SDCCAG8: variants seen among roughly 807,000 people sequenced by gnomAD.
SDCCAG8 encodes SHH signaling and ciliogenesis regulator SDCCAG8, also known as serologically defined colon cancer antigen 8.
A neutral mutation model predicts 101.8 loss-of-function variants in SDCCAG8; 74 were observed. The observed-to-expected ratio is 0.73, with a 90% CI of 0.60 to 0.88. The LOEUF (loss-of-function observed/expected upper bound fraction) is 0.88. Ranked by LOEUF, SDCCAG8 falls within the 40% of genes least tolerant of loss-of-function variation. The pLI, the probability that SDCCAG8 is intolerant of heterozygous loss-of-function variation, is 0.00. For missense variants in SDCCAG8, 787 were observed against 822.6 expected, an observed-to-expected ratio of 0.96 and a Z score of 0.53; for synonymous variants, 281 against 292.9, an observed-to-expected ratio of 0.96 and a Z score of 0.41.
At chr1:243,327,097 C>T (rs1391248846) in intron 9 of SDCCAG8, among the ~76,000 whole-genome samples, 1 of 151,950 alleles carries the variant, frequency 6.6e-6, no homozygotes. Context: ...TCAAGACCTA[C>T]AGCCATTTCC....
intron 12 of SDCCAG8, among the ~76,000 whole-genome samples, chr1:243,362,984 G>A (rs549685904): frequency 3.3e-5 from 5 of 152,276 alleles, no homozygotes; most frequent in African/African-American, 4.8e-5. Flanking sequence ...TGGGCCTGTC[G>A]TGTCAGCTTG....
intron 16 of SDCCAG8, among the ~76,000 whole-genome samples, chr1:243,480,351 ATGGGTGGG>A (rs1333345533): frequency 1.2e-5 from 1 of 80,636 alleles, no homozygotes; most frequent in African/African-American, 4.9e-5. Context: ...GGTGGGATGG[ATGGGTGGG>A]TGGGATGGAT....
intron 9 of SDCCAG8, among the ~76,000 whole-genome samples, chr1:243,324,459 CT>C (rs34446782): frequency 3.8e-4 from 33 of 87,012 alleles, no homozygotes; most frequent in South Asian, 8.7e-4. Flanking sequence ...TCTTCACATG[CT>C]TTTTTTTTTT....
At chr1:243,300,612 C>A (rs2071403908) in intron 6 of SDCCAG8, among the ~76,000 whole-genome samples, 1 of 152,286 alleles carries the variant, frequency 6.6e-6, no homozygotes, top group East Asian at 1.9e-4. Flanking sequence ...ACCTCTCCAC[C>A]TCACATTTTA....
In SDCCAG8 at chr1:243,405,948, A is replaced by G. The variant is rs140842782; in HGVS notation, c.1617-9754A>G. ...TAATAATAGAATAATAGAATAGAAT[A>G]GAATAGAAACTGTTATGCTACAATT... On this transcript the variant is annotated intron_variant, in intron 13 of 17. Coordinates refer to ENST00000366541, the MANE Select transcript of SDCCAG8 (RefSeq NM_006642.5). Among the ~76,000 whole-genome samples the G allele has an allele frequency of 6.0e-3, 908 of 152,266 alleles. 15 individuals carry two copies. The highest frequency in any genetic ancestry group is 0.02 in the African/African-American group (829 of 41,580).
At chr1:243,466,321 G>A (rs923382811) in intron 16 of SDCCAG8, among the ~76,000 whole-genome samples, 1 of 152,214 alleles carries the variant, frequency 6.6e-6, no homozygotes, top group Non-Finnish European at 1.5e-5. Context: ...TTCAGGCCTA[G>A]AGAGGCTAAA....
intron 1 of SDCCAG8, among the ~76,000 whole-genome samples, chr1:243,266,980 C>A (rs1360588718): frequency 6.7e-6 from 1 of 149,990 alleles, no homozygotes; most frequent in Non-Finnish European, 1.5e-5. Flanking sequence ...CGCGGTGGCT[C>A]ACGCTTGTAA....
chr1:243,320,965 T>C (rs950877964), intron 9 of SDCCAG8, among the ~76,000 whole-genome samples: 9 of 152,210 alleles, frequency 5.9e-5, no homozygotes, highest in African/African-American at 2.2e-4. Flanking sequence ...AGATTCGATG[T>C]ACCCTTTATA....
At chr1:243,434,912 A>G (rs759139627) in intron 16 of SDCCAG8, among the ~76,000 whole-genome samples, 18 of 152,228 alleles carry the variant, frequency 1.2e-4, no homozygotes, top group Non-Finnish European at 1.9e-4. Context: ...ACCAGGGAGA[A>G]CATTAAGTGG....
intron 13 of SDCCAG8, among the ~76,000 whole-genome samples, chr1:243,391,544 G>A (rs1238288672): frequency 6.6e-6 from 1 of 152,192 alleles, no homozygotes; most frequent in Non-Finnish European, 1.5e-5. Flanking sequence ...ACCTGTGATA[G>A]GGCTGAGCAT....
At chr1:243,372,749 C>T (rs575374010) in intron 12 of SDCCAG8, among the ~76,000 whole-genome samples, 7 of 151,452 alleles carry the variant, frequency 4.6e-5, no homozygotes, top group African/African-American at 1.5e-4. Context: ...AATCCCAACA[C>T]TTTGAGAGGC....
At chr1:243,294,695 T>C (rs1339278708) in intron 6 of SDCCAG8, among the ~76,000 whole-genome samples, 4 of 19,480 alleles carry the variant, frequency 2.1e-4, no homozygotes, top group South Asian at 6.9e-3. Context: ...ACTTTCTAAA[T>C]TCCCCCCCCC....
chr1:243,366,465 A>G (rs2076995854), intron 12 of SDCCAG8, among the ~76,000 whole-genome samples: 1 of 151,956 alleles, frequency 6.6e-6, no homozygotes, highest in Non-Finnish European at 1.5e-5. Flanking sequence ...CTATTGAGTA[A>G]TTAATAACTT....
intron 17 of SDCCAG8, among the ~76,000 whole-genome samples, chr1:243,499,407 G>A (rs1483337449): frequency 6.6e-6 from 1 of 152,206 alleles, no homozygotes; most frequent in Non-Finnish European, 1.5e-5. Context: ...TAAATTTTCA[G>A]TAAACAGATT....
intron 16 of SDCCAG8, chr1:243,488,122 C>G (rs1665443330): frequency 6.6e-6 from 1 of 152,308 alleles, no homozygotes; most frequent in Admixed American, 6.5e-5. Context: ...AACCCGAAGG[C>G]CCAAACGTGT....
chr1:243,428,445 TAAAC>T (rs1446767114), intron 16 of SDCCAG8, among the ~76,000 whole-genome samples: 5 of 152,212 alleles, frequency 3.3e-5, no homozygotes, highest in Non-Finnish European at 5.9e-5. Flanking sequence ...AGTTGACCCT[TAAAC>T]AACACAGATT....
At chr1:243,324,459 C>CTTT (rs34446782) in intron 9 of SDCCAG8, among the ~76,000 whole-genome samples, 4,080 of 86,932 alleles carry the variant, frequency 0.047, 622 homozygotes, top group East Asian at 0.24. Flanking sequence ...TCTTCACATG[C>CTTT]TTTTTTTTTT....
At chr1:243,441,971 T>A (rs2082564131) in intron 16 of SDCCAG8, among the ~76,000 whole-genome samples, 1 of 152,210 alleles carries the variant, frequency 6.6e-6, no homozygotes, top group Non-Finnish European at 1.5e-5. Flanking sequence ...CATCTATATG[T>A]GTGTCTATAT....
At chr1:243,450,819 C>T (rs546995851) in intron 16 of SDCCAG8, among the ~76,000 whole-genome samples, 218 of 152,136 alleles carry the variant, frequency 1.4e-3, no homozygotes, top group African/African-American at 4.4e-3. Context: ...CCACCACGCC[C>T]GGCTAATATT....
Sources: gnomAD v4.1 joint callset for allele counts (sites outside exome capture counted in the v4.1 genomes callset) on GRCh38, gnomAD v4.1.1 for gene constraint, MANE v1.5 for transcripts, NCBI Gene and HGNC (gene_info 2026-07-23, HGNC 2026-07-21) for gene names.